Variants in MTMR8 observed in about 807,000 individuals in gnomAD.
MTMR8 encodes the protein phosphatidylinositol-3,5-bisphosphate 3-phosphatase MTMR8.
In MTMR8, 65 loss-of-function variants were observed where a neutral mutation model predicts 39.3. The ratio of observed to expected loss-of-function variants is 1.65; its 90% CI spans 1.35 to 2.03. MTMR8 has a LOEUF of 2.03. MTMR8 is among the 30% of genes most tolerant of loss of function. The pLI, the probability that MTMR8 is intolerant of heterozygous loss-of-function variation, is 0.00. For synonymous variants in MTMR8, 245 were observed against 185.2 expected (o/e 1.32, Z -2.62); for missense variants, 777 against 538.9 (o/e 1.44, Z -4.37).
intron 12 of MTMR8, among the ~76,000 whole-genome samples, chrX:64,291,818 C>T (rs1332305589): frequency 9.0e-6 from 1 of 111,654 alleles, no homozygotes; most frequent in African/African-American, 3.3e-5. Context: ...TCCCCCATGC[C>T]TCATGAGCCT....
At chrX:64,306,938 G>A (rs754350154) in intron 12 of MTMR8, among the ~76,000 whole-genome samples, 13 of 111,825 alleles carry the variant, frequency 1.2e-4, no homozygotes, top group South Asian at 3.8e-4. Context: ...CCCAGCATGA[G>A]AGCAGATCAG....
At chrX:64,334,070 G>A (rs1305095613) in intron 10 of MTMR8, among the ~76,000 whole-genome samples, 2 of 110,499 alleles carry the variant, frequency 1.8e-5, no homozygotes, top group African/African-American at 6.6e-5. Context: ...TGAATCCATG[G>A]TTTAAACTAC....
intron 12 of MTMR8, among the ~76,000 whole-genome samples, chrX:64,300,153 T>C (rs1304934753): frequency 3.8e-5 from 4 of 106,367 alleles, no homozygotes; most frequent in African/African-American, 1.0e-4. Context: ...TTCTGTCTCA[T>C]TGATCTGTCT....
At chrX:64,336,777 A>G (rs958542864) in intron 9 of MTMR8, among the ~76,000 whole-genome samples, 3 of 111,859 alleles carry the variant, frequency 2.7e-5, no homozygotes, top group African/African-American at 9.8e-5. Flanking sequence ...AGCCTGGGTG[A>G]CAGAGTAAGA....
rs72623456 is a variant in MTMR8 at position 64,307,036 on chromosome X, C to T, written c.1481+21736G>A. Among the ~76,000 whole-genome samples, 2,672 of 111,955 alleles carry T rather than the reference C, an allele frequency of 0.024. 165 individuals are homozygous for T. In the East Asian group the frequency reaches 0.29, roughly 12 times the overall value. ...TGAGATGGCCTCAATCTCTGCACAC[C>T]TTTTCATGTGCTTATTTTCCATCTG... On this transcript the variant is annotated intron_variant, in intron 12 of 13. Coordinates refer to ENST00000374852, the MANE Select transcript of MTMR8 (RefSeq NM_017677.4).
intron 8 of MTMR8, among the ~76,000 whole-genome samples, chrX:64,340,043 G>T (rs1380830090): frequency 9.0e-6 from 1 of 111,488 alleles, no homozygotes; most frequent in African/African-American, 3.3e-5. Context: ...ATATCTATGG[G>T]ATACATCTAT....
At chrX:64,335,648 TA>T (rs1291107905) in intron 10 of MTMR8, among the ~76,000 whole-genome samples, 1 of 111,797 alleles carries the variant, frequency 8.9e-6, no homozygotes, top group East Asian at 2.8e-4. Flanking sequence ...TACAAAAGGT[TA>T]AAAGGTGCAT....
At chrX:64,376,536 G>A (rs2147243591) in intron 1 of MTMR8, among the ~76,000 whole-genome samples, 1 of 112,149 alleles carries the variant, frequency 8.9e-6, no homozygotes, top group South Asian at 3.7e-4. Flanking sequence ...TTGAGGGTAT[G>A]TGGCGGAATA....
chrX:64,333,547 T>G (rs1056238520), intron 10 of MTMR8, among the ~76,000 whole-genome samples: 3 of 112,034 alleles, frequency 2.7e-5, no homozygotes, highest in Non-Finnish European at 5.6e-5. Flanking sequence ...TGTTTTGGCA[T>G]ATCTTCCACC....
intron 12 of MTMR8, among the ~76,000 whole-genome samples, chrX:64,310,352 T>C (rs1426293169): frequency 1.8e-5 from 2 of 111,088 alleles, no homozygotes; most frequent in Non-Finnish European, 3.8e-5. Flanking sequence ...TCTATTTATA[T>C]TTCTCTTGGT....
At chrX:64,371,259 G>T (rs1187966403) in intron 1 of MTMR8, among the ~76,000 whole-genome samples, 1 of 112,162 alleles carries the variant, frequency 8.9e-6, no homozygotes, top group Non-Finnish European at 1.9e-5. Context: ...CTCAACAGAT[G>T]AAGTAGCCAA....
At chrX:64,365,995 G>T (rs976856680) in intron 1 of MTMR8, among the ~76,000 whole-genome samples, 9 of 111,549 alleles carry the variant, frequency 8.1e-5, no homozygotes, top group African/African-American at 2.6e-4. Context: ...AACCAACAAA[G>T]ATCAAAAGAG....
Position 64,370,137 on chromosome X carries a change from G to A in MTMR8, c.25-10610C>T, listed in dbSNP as rs182250642. On this transcript the variant is annotated intron_variant, in intron 1 of 13. Coordinates refer to ENST00000374852, the MANE Select transcript of MTMR8 (RefSeq NM_017677.4). ...ATGATGATAAGTACCAAGAATTGAGGAGCACATTATGAACTCAATGCAATA... is the reference window on the plus strand; with the variant it reads ...ATGATGATAAGTACCAAGAATTGAGAAGCACATTATGAACTCAATGCAATA... Among the ~76,000 whole-genome samples the A allele has an allele frequency of 6.3e-5, 7 of 110,758 alleles. No individual in the cohort carries two copies. In the Admixed American group the frequency reaches 6.8e-4, roughly 11 times the overall value.
At chrX:64,355,334 T>A (rs1923594661) in intron 3 of MTMR8, among the ~76,000 whole-genome samples, 1 of 111,775 alleles carries the variant, frequency 8.9e-6, no homozygotes, top group Admixed American at 9.5e-5. Context: ...TTAACAATGT[T>A]TTTGCATTGT....
intron 12 of MTMR8, among the ~76,000 whole-genome samples, chrX:64,302,555 C>A (rs754684850): frequency 1.8e-5 from 2 of 112,175 alleles, no homozygotes. Flanking sequence ...AGCTGTAGAC[C>A]GGAGCTGTTC....
chrX:64,331,091 C>A (rs1922927130), intron 11 of MTMR8, among the ~76,000 whole-genome samples: 1 of 111,506 alleles, frequency 9.0e-6, no homozygotes, highest in Non-Finnish European at 1.9e-5. Context: ...CAAATACCAC[C>A]TGTTCCTCAA....
chrX:64,342,468 A>G (rs926417790), intron 8 of MTMR8, among the ~76,000 whole-genome samples: 4 of 112,278 alleles, frequency 3.6e-5, no homozygotes, highest in African/African-American at 1.3e-4. Context: ...TTTTAATTCA[A>G]CCAATATTTA....
At chrX:64,285,641 C>T (rs1449368821) in intron 12 of MTMR8, among the ~76,000 whole-genome samples, 4 of 111,790 alleles carry the variant, frequency 3.6e-5, no homozygotes, top group Admixed American at 2.9e-4. Flanking sequence ...GACCACAGTC[C>T]AATCAAACTA....
chrX:64,353,728 G>A (rs770812686), intron 4 of MTMR8, among the ~76,000 whole-genome samples: 38 of 110,827 alleles, frequency 3.4e-4, no homozygotes, highest in East Asian at 5.8e-4. Flanking sequence ...AGGGAGGATC[G>A]CTTGAGCCCA....
Sources: gnomAD v4.1 joint callset for allele counts (sites outside exome capture counted in the v4.1 genomes callset) on GRCh38, gnomAD v4.1.1 for gene constraint, MANE v1.5 for transcripts, NCBI Gene and HGNC (gene_info 2026-07-23, HGNC 2026-07-21) for gene names.